SH3RF3: variants seen among roughly 807,000 people sequenced by gnomAD.
SH3RF3 encodes the protein E3 ubiquitin-protein ligase SH3RF3.
SH3RF3 carries 29 observed loss-of-function variants against 66.3 expected under a neutral mutation model. The ratio of observed to expected loss-of-function variants is 0.44; its 90% CI spans 0.33 to 0.60. The LOEUF (loss-of-function observed/expected upper bound fraction) is 0.60. Ranked by LOEUF, SH3RF3 falls within the 20% of genes least tolerant of loss-of-function variation. The probability of loss-of-function intolerance (pLI) is 0.04; values close to 1 mark genes in which losing one functional copy is unlikely to be tolerated. For synonymous variants in SH3RF3, 583 were observed against 532.0 expected (o/e 1.10, Z -1.32); for missense variants, 1,194 against 1,190.9 (o/e 1.00, Z -0.04).
At chr2:109,228,899 A>C (rs900840569) in intron 1 of SH3RF3, among the ~76,000 whole-genome samples, 2 of 152,186 alleles carry the variant, frequency 1.3e-5, no homozygotes, top group Middle Eastern at 3.2e-3. Flanking sequence ...CACAATATCC[A>C]GCCCCTCTGC....
chr2:109,215,882 C>T (rs1679092582), intron 1 of SH3RF3, among the ~76,000 whole-genome samples: 1 of 152,220 alleles, frequency 6.6e-6, no homozygotes, highest in East Asian at 1.9e-4. Context: ...GAGGAACCGG[C>T]ATACAGAGTG....
intron 7 of SH3RF3, among the ~76,000 whole-genome samples, chr2:109,447,066 T>C (rs1287421345): frequency 2.7e-5 from 4 of 150,038 alleles, no homozygotes; most frequent in Non-Finnish European, 5.9e-5. Context: ...TTGCCTGACC[T>C]GCTCTCCTTG....
intron 1 of SH3RF3, among the ~76,000 whole-genome samples, chr2:109,200,330 C>T (rs772257211): frequency 2.6e-5 from 4 of 152,196 alleles, no homozygotes; most frequent in Admixed American, 6.5e-5. Context: ...GCAGAACTCA[C>T]TAGCAGCCTC....
intron 1 of SH3RF3, among the ~76,000 whole-genome samples, chr2:109,255,667 G>T (rs2105273608): frequency 6.6e-6 from 1 of 152,274 alleles, no homozygotes; most frequent in East Asian, 1.9e-4. Context: ...GTTAAGTAAA[G>T]AAACTACTTA....
At chr2:109,492,382 C>T (rs1033952477) in intron 9 of SH3RF3, among the ~76,000 whole-genome samples, 4 of 152,162 alleles carry the variant, frequency 2.6e-5, no homozygotes, top group Non-Finnish European at 2.9e-5. Context: ...TCTGCAGAAC[C>T]CGCAGCTACT....
chr2:109,190,266 C>T (rs750261407), intron 1 of SH3RF3, among the ~76,000 whole-genome samples: 6 of 152,048 alleles, frequency 3.9e-5, no homozygotes, highest in East Asian at 3.9e-4. Context: ...CTCCGCCTCG[C>T]GGGTTCAAGT....
intron 6 of SH3RF3, among the ~76,000 whole-genome samples, chr2:109,435,995 C>CT (rs1036311212): frequency 5.9e-5 from 9 of 152,176 alleles, no homozygotes; most frequent in African/African-American, 1.9e-4. Flanking sequence ...AACCCTCACT[C>CT]TGTGTTGCCG....
intron 3 of SH3RF3, among the ~76,000 whole-genome samples, chr2:109,377,485 C>T (rs909820691): frequency 6.6e-6 from 1 of 152,150 alleles, no homozygotes; most frequent in Non-Finnish European, 1.5e-5. Context: ...GACTCTGTGA[C>T]GCCAGACCCA....
intron 8 of SH3RF3, among the ~76,000 whole-genome samples, chr2:109,468,574 C>T (rs1678419968): frequency 6.6e-6 from 1 of 152,060 alleles, no homozygotes; most frequent in Admixed American, 6.6e-5. Context: ...GGAAGTTAGG[C>T]CCGGTGTGGT....
At chr2:109,349,275 C>G (rs1374104618) in intron 2 of SH3RF3, among the ~76,000 whole-genome samples, 2 of 152,202 alleles carry the variant, frequency 1.3e-5, no homozygotes, top group Non-Finnish European at 2.9e-5. Context: ...ATTGTTCAGC[C>G]TGACAATGAA....
intron 1 of SH3RF3, among the ~76,000 whole-genome samples, chr2:109,193,633 T>A (rs1678424052): frequency 1.3e-5 from 2 of 152,236 alleles, no homozygotes; most frequent in Non-Finnish European, 2.9e-5. Context: ...ACCACATTTC[T>A]TTCTCCATTC....
chr2:109,302,593 A>G (rs1681496912), intron 1 of SH3RF3, among the ~76,000 whole-genome samples: 1 of 152,100 alleles, frequency 6.6e-6, no homozygotes, highest in African/African-American at 2.4e-5. Context: ...AAATTTTGAC[A>G]GTGCTAAATT....
intron 9 of SH3RF3, among the ~76,000 whole-genome samples, chr2:109,500,990 C>G (rs1240666256): frequency 6.6e-6 from 1 of 152,206 alleles, no homozygotes; most frequent in Non-Finnish European, 1.5e-5. Context: ...GTTCCAAGTA[C>G]CTTTCACACA....
chr2:109,464,932 AGTTT>A (rs1678299720), intron 8 of SH3RF3, among the ~76,000 whole-genome samples: 1 of 152,238 alleles, frequency 6.6e-6, no homozygotes, highest in South Asian at 2.1e-4. Flanking sequence ...CATACAGGAT[AGTTT>A]GACTGCCCTA....
intron 1 of SH3RF3, among the ~76,000 whole-genome samples, chr2:109,321,472 A>T (rs1232519515): frequency 6.6e-6 from 1 of 152,252 alleles, no homozygotes; most frequent in East Asian, 1.9e-4. Flanking sequence ...TTAAAATTAG[A>T]TTATGCTTTG....
At position 109,427,651 on chromosome 2, in the gene SH3RF3, G is replaced by C. The variant is rs11898110; in HGVS notation, c.1404-4850G>C. On this transcript the variant is annotated intron_variant, in intron 5 of 9. Transcript: ENST00000309415. The stretch of plus-strand genomic sequence containing the variant: ...AGGTGCTCAGTTGGGAAAGACATCA[G>C]CTCCTAAGCTGGCCTCACAGCCGTG... Among the ~76,000 whole-genome samples the C allele has an allele frequency of 7.1e-3, 1,088 of 152,316 alleles. 13 individuals are homozygous for C. The highest frequency in any genetic ancestry group is 0.025 in the African/African-American group (1,032 of 41,564).
rs533126091 is a variant in SH3RF3 at position 109,501,800 on chromosome 2, C to T, written c.*129C>T. The T allele has an allele frequency of 1.6e-6, 1 of 615,824 alleles. No homozygotes were observed. Among genetic ancestry groups the T allele is most frequent in the Non-Finnish European group, 2.9e-6 (1 of 343,834 alleles). The allele number at this position is 615,824 out of a possible 1,614,324, so 38.1% of individuals were successfully genotyped here. A position where few individuals can be genotyped will look rare whatever the true frequency, so the allele number is the denominator to read the frequency against. On this transcript the variant is annotated 3_prime_UTR_variant, in exon 10 of 10. Transcript: ENST00000309415. ...TCCAAGGCACCTGGCGGGGGATACC[C>T]TGGCCCAGGGTGGGGGCCAGGGACT... is the stretch of plus-strand genomic sequence containing the variant.
chr2:109,176,622 A>G (rs1574488436), intron 1 of SH3RF3, among the ~76,000 whole-genome samples: 1 of 152,220 alleles, frequency 6.6e-6, no homozygotes, highest in African/African-American at 2.4e-5. Flanking sequence ...CTGTAGTCCC[A>G]GCAACCCAGA....
intron 3 of SH3RF3, among the ~76,000 whole-genome samples, chr2:109,389,906 C>T (rs1426163997): frequency 4.6e-5 from 7 of 152,132 alleles, no homozygotes; most frequent in African/African-American, 1.7e-4. Context: ...TTGGGTGGAG[C>T]GGCCATCTGC....
Sources: gnomAD v4.1 joint callset for allele counts (sites outside exome capture counted in the v4.1 genomes callset) on GRCh38, gnomAD v4.1.1 for gene constraint, MANE v1.5 for transcripts, NCBI Gene and HGNC (gene_info 2026-07-23, HGNC 2026-07-21) for gene names.